Variants in GRAP2 observed in about 807,000 individuals in gnomAD.
The protein encoded by GRAP2 is GRB2 related adaptor protein 2.
A neutral mutation model predicts 43.5 loss-of-function variants in GRAP2; 31 were observed. That is an observed-to-expected ratio of 0.71 (90% confidence interval 0.54 to 0.96). The LOEUF is 0.96. Among genes scored for constraint, GRAP2 ranks in the 40% least tolerant of loss-of-function variants. GRAP2 has a pLI of 0.00. For missense variants in GRAP2, 371 were observed against 424.4 expected (o/e 0.87, Z 1.11); for synonymous variants, 156 against 164.8 (o/e 0.95, Z 0.41).
chr22:39,939,418 C>T (rs2066841573), intron 1 of GRAP2, among the ~76,000 whole-genome samples: 2 of 151,630 alleles, frequency 1.3e-5, no homozygotes, highest in South Asian at 2.1e-4. Context: ...AAAAATTAGC[C>T]GGGCGTGGTG....
At chr22:39,925,784 T>G (rs2066691658) in intron 1 of GRAP2, among the ~76,000 whole-genome samples, 1 of 152,204 alleles carries the variant, frequency 6.6e-6, no homozygotes, top group Non-Finnish European at 1.5e-5. Flanking sequence ...GCCCCCCAGA[T>G]CCGGTACCTC....
Position 39,971,316 on chromosome 22 carries a change from G to T in GRAP2, c.*232G>T, listed in dbSNP as rs1488584465. The T allele has an allele frequency of 3.9e-6, 2 of 508,666 alleles. No individual in the cohort carries two copies. The highest frequency in any genetic ancestry group is 6.8e-6 in the Non-Finnish European group (2 of 293,784). The allele number at this position is 508,666 out of a possible 1,614,324, so 31.5% of individuals were successfully genotyped here. ...ACTTGCTTTTCTGCCCCCCTCAGGG[G>T]TGTGTGGAAGGCAGTGGGGGAGTTG... On this transcript the variant is annotated 3_prime_UTR_variant, in exon 8 of 8. Transcript: ENST00000344138.
chr22:39,916,532 GATCCC>G (rs1601693917), intron 1 of GRAP2, among the ~76,000 whole-genome samples: 2 of 152,216 alleles, frequency 1.3e-5, no homozygotes, highest in South Asian at 4.1e-4. Flanking sequence ...AATGTAAAAA[GATCCC>G]ATCCTATTTA....
rs775800288 is a variant in GRAP2 at position 39,969,526 on chromosome 22, C to T, written c.806C>T (p.Ala269Val). Reference sequence around the variant, plus strand: ...CACACAGACCCAGTGCAGCTCCAGGCGGCAGGGGTATGGGAACTGTCCTTC... The same window carrying T: ...CACACAGACCCAGTGCAGCTCCAGGTGGCAGGGGTATGGGAACTGTCCTTC... ...RRHTDPVQLQ[A>V]AGRVRWARAL... Residue 269 changes from alanine to valine, a missense_variant, in exon 7 of 8, where the codon GCG (alanine) becomes GTG (valine). By Grantham distance (64) the Ala-to-Val change is moderately conservative (BLOSUM62 0). Coordinates refer to ENST00000344138, the MANE Select transcript of GRAP2 (RefSeq NM_004810.4). 55 of 1,613,694 alleles carry T rather than the reference C, an allele frequency of 3.4e-5. No homozygotes were observed. Among genetic ancestry groups the T allele is most frequent in the African/African-American group, 5.3e-5 (4 of 74,898 alleles).
intron 1 of GRAP2, among the ~76,000 whole-genome samples, chr22:39,925,142 TTA>T (rs1055221316): frequency 6.6e-6 from 1 of 152,122 alleles, no homozygotes; most frequent in African/African-American, 2.4e-5. Context: ...CAAGGTGGAA[TTA>T]TTAAGAGATT....
Position 39,971,094 on chromosome 22 carries a change from G to A in GRAP2, c.*10G>A. Reference sequence around the variant, plus strand: ...ACCCATGACCCGATAAACTCTTCAGGGGACAGAAGCTTTTTGTCTGGAGCT... The same window carrying A: ...ACCCATGACCCGATAAACTCTTCAGAGGACAGAAGCTTTTTGTCTGGAGCT... On this transcript the variant is annotated 3_prime_UTR_variant, in exon 8 of 8. Transcript: ENST00000344138. 6.3e-7 allele frequency: 1 copy of A among 1,598,590 alleles called. No homozygotes were observed. The highest frequency in any genetic ancestry group is 2.2e-5 in the East Asian group (1 of 44,738).
intron 3 of GRAP2, among the ~76,000 whole-genome samples, chr22:39,959,627 C>A (rs778242908): frequency 3.3e-5 from 5 of 152,160 alleles, no homozygotes; most frequent in Non-Finnish European, 7.4e-5. Flanking sequence ...AGGCCCTGCT[C>A]AGCCGGCTGC....
chr22:39,936,432 T>G (rs1353183869), intron 1 of GRAP2, among the ~76,000 whole-genome samples: 1 of 152,112 alleles, frequency 6.6e-6, no homozygotes, highest in Non-Finnish European at 1.5e-5. Flanking sequence ...TCCAGCGAGG[T>G]TGGTGGTCTC....
At chr22:39,918,720 T>C (rs1189318965) in intron 1 of GRAP2, among the ~76,000 whole-genome samples, 1 of 152,190 alleles carries the variant, frequency 6.6e-6, no homozygotes, top group Non-Finnish European at 1.5e-5. Context: ...AATTATATTT[T>C]AAGGGCAGTC....
the GRAP2 span, among the ~76,000 whole-genome samples, chr22:39,895,772 C>T: frequency 6.6e-6 from 1 of 152,072 alleles, no homozygotes; most frequent in African/African-American, 2.4e-5. Context: ...ATAGAGGAAA[C>T]AGGAATAAAT....
intron 1 of GRAP2, among the ~76,000 whole-genome samples, chr22:39,944,698 C>G (rs1191275325): frequency 6.6e-6 from 1 of 152,190 alleles, no homozygotes; most frequent in African/African-American, 2.4e-5. Flanking sequence ...TCACTTCTCA[C>G]TGAAGTGATT....
At chr22:39,918,238 C>T (rs547963692) in intron 1 of GRAP2, among the ~76,000 whole-genome samples, 21 of 152,314 alleles carry the variant, frequency 1.4e-4, no homozygotes, top group African/African-American at 4.8e-4. Context: ...TTCATGCCTC[C>T]TGCTCAGCTA....
intron 1 of GRAP2, among the ~76,000 whole-genome samples, chr22:39,919,656 A>G (rs2066633287): frequency 6.6e-6 from 1 of 152,226 alleles, no homozygotes; most frequent in Admixed American, 6.5e-5. Context: ...CTATCCTTGA[A>G]TTACAGGTTA....
At chr22:39,897,125 C>T (rs1192762693), upstream of GRAP2, among the ~76,000 whole-genome samples, 2 of 152,180 alleles carry the variant, frequency 1.3e-5, no homozygotes, top group Non-Finnish European at 2.9e-5. Flanking sequence ...CTTCTCCTGA[C>T]CTCCAAACTC....
chr22:39,898,629 A>G (rs546837692), upstream of GRAP2, among the ~76,000 whole-genome samples: 5 of 152,294 alleles, frequency 3.3e-5, no homozygotes, highest in African/African-American at 1.2e-4. Context: ...CCTGACCAAC[A>G]TGGCGAAACC....
At chr22:39,943,158 G>A (rs2066887303) in intron 1 of GRAP2, among the ~76,000 whole-genome samples, 1 of 152,154 alleles carries the variant, frequency 6.6e-6, no homozygotes, top group South Asian at 2.1e-4. Context: ...CCATTTTGAT[G>A]GTAACTACGT....
At chr22:39,952,613 C>T (rs2066998269) in intron 2 of GRAP2, among the ~76,000 whole-genome samples, 1 of 152,186 alleles carries the variant, frequency 6.6e-6, no homozygotes, top group Admixed American at 6.5e-5. Flanking sequence ...GTGACACCAG[C>T]AGTCACATTT....
At chr22:39,967,937 T>C in intron 5 of GRAP2, 105 bp from the exon 6 acceptor site, 1 of 1,423,764 alleles carries the variant, frequency 7.0e-7, no homozygotes, top group Admixed American at 2.6e-5. Context: ...CAGCTATTTC[T>C]TGGAGCCAGA....
intron 2 of GRAP2, among the ~76,000 whole-genome samples, chr22:39,954,933 T>C (rs2067030689): frequency 6.6e-6 from 1 of 152,242 alleles, no homozygotes; most frequent in Admixed American, 6.5e-5. Flanking sequence ...GCATCCCAAG[T>C]ATCTTGGGTT....
Sources: allele counts gnomAD v4.1 joint callset (sites outside exome capture counted in the v4.1 genomes callset), GRCh38; gene constraint gnomAD v4.1.1; transcripts MANE v1.5; gene names NCBI Gene and HGNC (gene_info 2026-07-23, HGNC 2026-07-21).